USP24: variants seen among roughly 807,000 people sequenced by gnomAD.
USP24 encodes ubiquitin carboxyl-terminal hydrolase 24.
Under a neutral mutation model 361.6 loss-of-function variants are expected in USP24, and 97 were observed. That is an observed-to-expected ratio of 0.27 (90% CI 0.23 to 0.32). The LOEUF (loss-of-function observed/expected upper bound fraction) is 0.32. USP24 is among the 10% of genes least tolerant of loss of function. USP24 has a pLI of 1.00. For synonymous variants in USP24, 1,098 were observed against 1,124.6 expected (o/e 0.98, Z 0.47); for missense variants, 2,353 against 3,165.6 (o/e 0.74, Z 6.16).
intron 63 of USP24, among the ~76,000 whole-genome samples, chr1:55,074,463 G>C (rs986117681): frequency 4.6e-5 from 7 of 151,926 alleles, no homozygotes; most frequent in African/African-American, 1.7e-4. Context: ...ATGAAAGTCT[G>C]TCTCTACAAA....
At chr1:55,141,867 C>T in intron 23 of USP24, 136 bp from the exon 24 acceptor site, 1 of 755,792 alleles carries the variant, frequency 1.3e-6, no homozygotes, top group East Asian at 2.7e-5. Context: ...GATCCCTGGC[C>T]TCTACCTACT....
chr1:55,138,893 G>C (rs996235492), intron 25 of USP24, 51 bp downstream of exon 25: 5 of 1,565,412 alleles, frequency 3.2e-6, no homozygotes, highest in South Asian at 1.2e-5. Flanking sequence ...TGGGAAGATC[G>C]CTTGAGTCCA....
chr1:55,162,278 G>A lies in USP24; in HGVS notation c.928-14C>T. On this transcript the variant is annotated splice_polypyrimidine_tract_variant and intron_variant, in intron 7 of 67. Transcript: ENST00000294383. ...TGCTGAGACAGCCTGGAAAAAGACA[G>A]TGAAGATTAAAAATACATTTGAGAG... 6.5e-7 allele frequency: 1 copy of A among 1,541,572 alleles called. No individual in the cohort carries two copies. The highest frequency in any genetic ancestry group is 1.3e-5 in the South Asian group (1 of 76,926).
At chr1:55,180,956 T>A (rs1199147789) in intron 1 of USP24, among the ~76,000 whole-genome samples, 1 of 152,082 alleles carries the variant, frequency 6.6e-6, no homozygotes. Flanking sequence ...CAACTATTAA[T>A]AGGGTAACTG....
Position 55,069,086 on chromosome 1 carries a change from T to A in USP24, c.7822A>T (p.Ile2608Phe). 6.2e-7 allele frequency: 1 copy of A among 1,613,926 alleles called. No homozygotes were observed. Among genetic ancestry groups the A allele is most frequent in the Non-Finnish European group, 8.5e-7 (1 of 1,179,888 alleles). Residue 2608 changes from isoleucine (I) to phenylalanine (F), a missense_variant, in exon 68 of 68, where the codon ATT becomes TTT. Transcript: ENST00000294383. ...TCAAGGTCACTTCTCAACTCACCAA[T>A]CATCATGGGAGATTCTGAACCCTGC... The part of the protein sequence containing the change: ...LQQGSESPMM[I>F]GELRSDLDDV...
chr1:55,200,237 A>G (rs1377026954), intron 1 of USP24, among the ~76,000 whole-genome samples: 1 of 152,226 alleles, frequency 6.6e-6, no homozygotes, highest in East Asian at 1.9e-4. Flanking sequence ...ATATTTTACT[A>G]AGTACTTTTC....
intron 38 of USP24, among the ~76,000 whole-genome samples, chr1:55,117,039 G>A (rs1188321580): frequency 3.3e-5 from 5 of 152,154 alleles, no homozygotes; most frequent in Admixed American, 1.3e-4. Context: ...TCCATGGTAC[G>A]AAAATCTATG....
intron 39 of USP24, among the ~76,000 whole-genome samples, chr1:55,109,821 A>G (rs1034520913): frequency 6.6e-6 from 1 of 152,204 alleles, no homozygotes; most frequent in Non-Finnish European, 1.5e-5. Context: ...TTCTAACACT[A>G]TCAACATGCC....
rs749082831 is a variant in USP24, at chr1:55,096,819, C to T, written c.5936+133G>A. 3.9e-4 allele frequency: 533 copies of T among 1,355,612 alleles called. 1 individual carries two copies. Among genetic ancestry groups the T allele is most frequent in the Non-Finnish European group, 4.7e-4 (475 of 1,005,152 alleles). The allele number at this position is 1,355,612 out of a possible 1,614,324, so 84.0% of individuals were successfully genotyped here. A position where few individuals can be genotyped will look rare whatever the true frequency, so the allele number is the denominator to read the frequency against. Reference sequence around the variant, plus strand: ...AAGGGGTAAAACCAGTTGCACGAAGCTTTAAAACTTCAAAATGAAACACAG... The same window carrying T: ...AAGGGGTAAAACCAGTTGCACGAAGTTTTAAAACTTCAAAATGAAACACAG... On this transcript the variant is annotated intron_variant, in intron 49 of 67. Coordinates refer to ENST00000294383, the MANE Select transcript of USP24 (RefSeq NM_015306.3).
Position 55,125,706 on chromosome 1 carries a change from CAT to C in USP24, c.3686_3687del (p.Tyr1229Ter). The C allele has an allele frequency of 6.3e-7, 1 of 1,596,990 alleles. No individual in the cohort carries two copies. The highest frequency in any genetic ancestry group is 8.5e-7 in the Non-Finnish European group (1 of 1,170,982). Reference sequence around the variant, plus strand: ...ATGGAATAAACACCCTGCCTTGTTTCATAGTCTACTTCTGATGGGATGGAGTC... The same window carrying C: ...ATGGAATAAACACCCTGCCTTGTTTCAGTCTACTTCTGATGGGATGGAGTC... The part of the protein sequence containing the change: ...QRDSIPSEVD[Y>X]ETRQGVYSIC... On this transcript the variant is annotated frameshift_variant, in exon 33 of 68. Coordinates refer to ENST00000294383, the MANE Select transcript of USP24 (RefSeq NM_015306.3). LOFTEE classifies it high-confidence loss of function.
intron 39 of USP24, among the ~76,000 whole-genome samples, chr1:55,107,855 A>AAAAC (rs1645829266): frequency 6.7e-6 from 1 of 149,480 alleles, no homozygotes; most frequent in Admixed American, 6.6e-5. Flanking sequence ...AAAAAAAAAA[A>AAAAC]AAAAAAAAAA....
intron 59 of USP24, among the ~76,000 whole-genome samples, chr1:55,080,411 T>C (rs1032947997): frequency 9.9e-5 from 15 of 152,214 alleles, no homozygotes; most frequent in Admixed American, 9.8e-4. Flanking sequence ...ATCTTCCTAG[T>C]AGCTTCTGGG....
chr1:55,092,081 A>G lies in USP24; in HGVS notation c.6496T>C (p.Leu2166=), dbSNP rs368363940. The G allele has an allele frequency of 5.0e-6, 8 of 1,612,774 alleles. No homozygotes were observed. The highest frequency in any genetic ancestry group is 6.8e-6 in the Non-Finnish European group (8 of 1,179,452). Reference sequence around the variant, plus strand: ...AAAAGGAATTGAATAGCAAGCTGTAAGCTCACCTTTGCCATGCAAGGATAA... The same window carrying G: ...AAAAGGAATTGAATAGCAAGCTGTAGGCTCACCTTTGCCATGCAAGGATAA... The part of the protein sequence containing the change: ...PYYPCMAKVS[L]QLAIQFLFQT... The change falls in exon 54 of 68, where the codon TTA becomes CTA. Residue 2166 remains leucine, a synonymous_variant. Coordinates refer to ENST00000294383, the MANE Select transcript of USP24 (RefSeq NM_015306.3).
chr1:55,210,996 T>C (rs559541020), intron 1 of USP24, among the ~76,000 whole-genome samples: 4 of 152,230 alleles, frequency 2.6e-5, no homozygotes, highest in Non-Finnish European at 2.9e-5. Context: ...TAATGTTTGA[T>C]GGTATTCCTT....
intron 1 of USP24, among the ~76,000 whole-genome samples, chr1:55,199,242 T>C (rs980118296): frequency 7.2e-5 from 11 of 152,156 alleles, no homozygotes; most frequent in South Asian, 2.1e-4. Context: ...TGAGCCAAGA[T>C]TGCACCACTG....
chr1:55,132,036 C>G (rs1005850533), intron 31 of USP24, among the ~76,000 whole-genome samples: 31 of 152,178 alleles, frequency 2.0e-4, no homozygotes, highest in Non-Finnish European at 2.1e-4. Context: ...GAGTGAGTAA[C>G]TTGTTTTTTC....
At chr1:55,154,912 T>C in intron 12 of USP24, 134 bp from the exon 13 acceptor site, 1 of 617,238 alleles carries the variant, frequency 1.6e-6, no homozygotes, top group Non-Finnish European at 2.9e-6. Context: ...CAGCATCCAC[T>C]TGCATAATAT....
intron 50 of USP24, among the ~76,000 whole-genome samples, chr1:55,096,003 T>C (rs1291905432): frequency 6.6e-6 from 1 of 152,262 alleles, no homozygotes; most frequent in Non-Finnish European, 1.5e-5. Flanking sequence ...CTGATTGGGC[T>C]GTACTTCTCC....
At chr1:55,180,355 T>C (rs954348729) in intron 1 of USP24, among the ~76,000 whole-genome samples, 1 of 152,190 alleles carries the variant, frequency 6.6e-6, no homozygotes, top group African/African-American at 2.4e-5. Flanking sequence ...ATGGACACCA[T>C]GTCCTGAGGG....
Sources: allele counts gnomAD v4.1 joint callset (sites outside exome capture counted in the v4.1 genomes callset), GRCh38; gene constraint gnomAD v4.1.1; transcripts MANE v1.5; gene names NCBI Gene and HGNC (gene_info 2026-07-23, HGNC 2026-07-21).